Variants in ZFAT observed in about 807,000 individuals in gnomAD.
ZFAT encodes zinc finger protein ZFAT.
A neutral mutation model predicts 117.7 loss-of-function variants in ZFAT; 64 were observed. The ratio of observed to expected loss-of-function variants is 0.54; its 90% confidence interval spans 0.44 to 0.67. The LOEUF is 0.67. Among genes scored for constraint, ZFAT ranks in the 30% least tolerant of loss-of-function variants. ZFAT has a pLI of 0.00. For synonymous variants in ZFAT, 679 were observed against 615.0 expected (o/e 1.10, Z -1.54); for missense variants, 1,433 against 1,584.5 (o/e 0.90, Z 1.62).
At chr8:134,668,003 C>T (rs1832326002) in intron 1 of ZFAT, among the ~76,000 whole-genome samples, 1 of 152,158 alleles carries the variant, frequency 6.6e-6, no homozygotes, top group Admixed American at 6.5e-5. Flanking sequence ...CAGAGCCTCA[C>T]TCATTGCTAG....
the ZFAT span, among the ~76,000 whole-genome samples, chr8:134,751,868 G>A: frequency 6.6e-6 from 1 of 152,196 alleles, no homozygotes; most frequent in Non-Finnish European, 1.5e-5. Context: ...TTCATTCAAA[G>A]CCCAGTGCTA....
At chr8:134,826,695 T>C in the ZFAT span, among the ~76,000 whole-genome samples, 1 of 152,228 alleles carries the variant, frequency 6.6e-6, no homozygotes, top group Admixed American at 6.5e-5. Context: ...CTGTGCTTAG[T>C]TGTCCCCACA....
intron 15 of ZFAT, among the ~76,000 whole-genome samples, chr8:134,502,229 G>C (rs527668531): frequency 6.6e-6 from 1 of 152,342 alleles, no homozygotes; most frequent in South Asian, 2.1e-4. Context: ...AGGGCACCAG[G>C]CTTCTCTCAA....
chr8:134,683,138 T>C (rs554253842), intron 1 of ZFAT, among the ~76,000 whole-genome samples: 8 of 152,356 alleles, frequency 5.3e-5, no homozygotes, highest in African/African-American at 1.9e-4. Flanking sequence ...CTATGTGAAA[T>C]GAGCCCCCTT....
chr8:134,615,929 A>T (rs1828695582), intron 3 of ZFAT, among the ~76,000 whole-genome samples: 1 of 152,240 alleles, frequency 6.6e-6, no homozygotes, highest in African/African-American at 2.4e-5. Context: ...GAAAAGAACA[A>T]GGCTCCCACA....
the ZFAT span, among the ~76,000 whole-genome samples, chr8:134,805,857 G>T: frequency 6.6e-6 from 1 of 151,860 alleles, no homozygotes; most frequent in Admixed American, 6.6e-5. Context: ...TGGTGCATGC[G>T]GTCCCAGCTA....
chr8:134,765,505 C>G, the ZFAT span: 1 of 152,188 alleles, frequency 6.6e-6, no homozygotes, highest in Non-Finnish European at 1.5e-5. Context: ...TATTACTCCC[C>G]TTTACAAATG....
At chr8:134,721,169 A>C in the ZFAT span, among the ~76,000 whole-genome samples, 1 of 152,160 alleles carries the variant, frequency 6.6e-6, no homozygotes, top group Non-Finnish European at 1.5e-5. Context: ...CCGTTGTGAC[A>C]ACGTTGTGCC....
the ZFAT span, among the ~76,000 whole-genome samples, chr8:134,755,567 T>C: frequency 6.6e-6 from 1 of 151,864 alleles, no homozygotes; most frequent in Non-Finnish European, 1.5e-5. Flanking sequence ...ATCCCCGCAC[T>C]GTGGGAGGCT....
chr8:134,753,228 C>T, the ZFAT span, among the ~76,000 whole-genome samples: 2 of 96,846 alleles, frequency 2.1e-5, no homozygotes, highest in South Asian at 3.3e-4. Flanking sequence ...AACCAACGAA[C>T]CAACCAACAA....
chr8:134,568,920 T>C (rs547774291), intron 10 of ZFAT, among the ~76,000 whole-genome samples: 4 of 152,106 alleles, frequency 2.6e-5, no homozygotes, highest in East Asian at 3.9e-4. Context: ...ACAAGCAGAG[T>C]CAACTGCAAA....
the ZFAT span, chr8:134,785,106 T>C: frequency 6.6e-6 from 1 of 152,248 alleles, no homozygotes; most frequent in African/African-American, 2.4e-5. Flanking sequence ...CCTGATATTA[T>C]CTGACTGGAT....
At chr8:134,720,462 C>T in the ZFAT span, among the ~76,000 whole-genome samples, 1 of 152,212 alleles carries the variant, frequency 6.6e-6, no homozygotes, top group Non-Finnish European at 1.5e-5. Flanking sequence ...ATAAACAGAC[C>T]TTTGGCTGGA....
At chr8:134,565,958 G>C (rs1824428986) in intron 10 of ZFAT, among the ~76,000 whole-genome samples, 1 of 152,194 alleles carries the variant, frequency 6.6e-6, no homozygotes, top group Admixed American at 6.5e-5. Flanking sequence ...AACCCTGAAA[G>C]TCAGGTGAGT....
intron 13 of ZFAT, among the ~76,000 whole-genome samples, chr8:134,518,988 C>T (rs1187779418): frequency 1.3e-5 from 2 of 152,102 alleles, no homozygotes; most frequent in Non-Finnish European, 1.5e-5. Flanking sequence ...ATTTTCTGTT[C>T]GATTCCATTA....
the ZFAT span, among the ~76,000 whole-genome samples, chr8:134,773,109 A>T: frequency 5.3e-5 from 8 of 151,634 alleles, no homozygotes; most frequent in Non-Finnish European, 1.2e-4. Context: ...AAAAAAAAAA[A>T]AAATAGAAAA....
intron 1 of ZFAT, among the ~76,000 whole-genome samples, chr8:134,710,924 A>G (rs1813968101): frequency 6.6e-6 from 1 of 152,242 alleles, no homozygotes; most frequent in Admixed American, 6.5e-5. Context: ...ATAAGTCCTT[A>G]CCAGTAAAAA....
At chr8:134,772,787 G>A in the ZFAT span, among the ~76,000 whole-genome samples, 1 of 152,202 alleles carries the variant, frequency 6.6e-6, no homozygotes, top group Non-Finnish European at 1.5e-5. Context: ...AGGGGTGGAT[G>A]TGGTGGCCCA....
chr8:134,712,069 G>A (rs1814021408), intron 1 of ZFAT, among the ~76,000 whole-genome samples: 1 of 152,226 alleles, frequency 6.6e-6, no homozygotes, highest in South Asian at 2.1e-4. Flanking sequence ...TAAGTATATA[G>A]TGAACACTTA....
Sources: allele counts gnomAD v4.1 joint callset (sites outside exome capture counted in the v4.1 genomes callset), GRCh38; gene constraint gnomAD v4.1.1; transcripts MANE v1.5; gene names NCBI Gene and HGNC (gene_info 2026-07-23, HGNC 2026-07-21).